Variants in ENPEP observed in about 807,000 individuals in gnomAD.
ENPEP encodes the protein AP-A.
In ENPEP, 103 loss-of-function variants were observed where a neutral mutation model predicts 114.5. That is an observed-to-expected ratio of 0.90 (90% confidence interval 0.77 to 1.06). The LOEUF (loss-of-function observed/expected upper bound fraction) is 1.06, where lower values mean the gene tolerates loss of function less well. ENPEP is among the 50% of genes least tolerant of loss of function. The pLI is 0.00. For synonymous variants in ENPEP, 420 were observed against 422.0 expected (o/e 1.00, Z 0.06); for missense variants, 1,196 against 1,161.3 (o/e 1.03, Z -0.43).
intron 12 of ENPEP, 62 bp from the exon 13 acceptor site, chr4:110,542,953 T>G (rs2110387211): frequency 6.2e-7 from 1 of 1,609,938 alleles, no homozygotes; most frequent in African/African-American, 1.3e-5. Context: ...ATGATATTAA[T>G]TTTTTTCAAC....
chr4:110,506,878 T>TCTTGG (rs1560557334), intron 4 of ENPEP, 121 bp downstream of exon 4: 24 of 930,360 alleles, frequency 2.6e-5, no homozygotes, highest in Non-Finnish European at 3.6e-5. Flanking sequence ...TTTTATTCTA[T>TCTTGG]GCCGACAATA....
chr4:110,519,129 C>T, intron 8 of ENPEP: 1 of 455,562 alleles, frequency 2.2e-6, no homozygotes, highest in Non-Finnish European at 4.4e-6. Context: ...AATATGGAGG[C>T]AGCATTCCAA....
chr4:110,530,688 TA>T (rs544231302), intron 10 of ENPEP, among the ~76,000 whole-genome samples: 174 of 152,274 alleles, frequency 1.1e-3, no homozygotes, highest in African/African-American at 3.9e-3. Flanking sequence ...AGGGGATATT[TA>T]GGGGAGGGTA....
At chr4:110,557,134 A>C (rs1015792113) in intron 18 of ENPEP, among the ~76,000 whole-genome samples, 1 of 152,126 alleles carries the variant, frequency 6.6e-6, no homozygotes, top group African/African-American at 2.4e-5. Flanking sequence ...TAAGTGATAG[A>C]GGGGTGGGAA....
rs183715198 is a variant in ENPEP at position 110,476,755 on chromosome 4, C to G, written c.341C>G (p.Thr114Ser). 8 of 1,614,206 alleles carry G rather than the reference C, an allele frequency of 5.0e-6. No individual in the cohort carries two copies. The East Asian group carries it at 1.8e-4, about 36-fold the overall frequency. Residue 114 changes from threonine (T) to serine (S), a missense_variant, in exon 1 of 20, where the codon ACC becomes AGC. Transcript: ENST00000265162. ...LHVKPLLEED[T>S]YTGTVSISIN... is the part of the protein sequence containing the mutation. Reference sequence around the variant, plus strand: ...GTGAAGCCCCTGTTGGAGGAGGACACCTACACGGGCACCGTGAGCATCTCC... The same window carrying G: ...GTGAAGCCCCTGTTGGAGGAGGACAGCTACACGGGCACCGTGAGCATCTCC...
chr4:110,548,947 T>A (rs1274030798), intron 14 of ENPEP, among the ~76,000 whole-genome samples: 3 of 152,074 alleles, frequency 2.0e-5, no homozygotes, highest in Non-Finnish European at 2.9e-5. Flanking sequence ...CTTACGGTAA[T>A]GGGATTGTGA....
At chr4:110,534,907 G>A (rs187059387) in intron 11 of ENPEP, among the ~76,000 whole-genome samples, 4 of 151,880 alleles carry the variant, frequency 2.6e-5, no homozygotes, top group East Asian at 1.9e-4. Flanking sequence ...AAGGTGCTAC[G>A]TACATTCTGA....
chr4:110,550,285 T>G (rs1217515737), intron 17 of ENPEP, among the ~76,000 whole-genome samples: 1 of 152,112 alleles, frequency 6.6e-6, no homozygotes, highest in Non-Finnish European at 1.5e-5. Context: ...CTGTCTCTTA[T>G]GCCAACAGGA....
At chr4:110,553,646 G>T in intron 18 of ENPEP, 191 bp downstream of exon 18, 1 of 436,354 alleles carries the variant, frequency 2.3e-6, no homozygotes, top group East Asian at 3.6e-5. Context: ...ATTTTTTTCT[G>T]GAAATTATTG....
intron 3 of ENPEP, among the ~76,000 whole-genome samples, chr4:110,499,253 A>G (rs181420388): frequency 3.3e-5 from 5 of 152,330 alleles, no homozygotes; most frequent in Non-Finnish European, 7.4e-5. Flanking sequence ...TAGAACTATT[A>G]CATGTCAAAC....
At chr4:110,531,128 G>A in intron 10 of ENPEP, 70 bp from the exon 11 acceptor site, 1 of 973,502 alleles carries the variant, frequency 1.0e-6, no homozygotes, top group Non-Finnish European at 1.4e-6. Flanking sequence ...TTGCTTTTTA[G>A]TGATTTTTAC....
chr4:110,543,623 C>G (rs908428576), intron 13 of ENPEP, among the ~76,000 whole-genome samples: 1 of 151,152 alleles, frequency 6.6e-6, no homozygotes, highest in African/African-American at 2.4e-5. Flanking sequence ...ATTGGAAGAA[C>G]TAAGTAGTAT....
chr4:110,476,864 C>A lies in ENPEP; in HGVS notation c.450C>A (p.Pro150=). ...RITRLPELKR[P]SGDQVQVRRC... ...CCCGGCTCCCGGAGCTGAAGAGGCC[C>A]TCTGGGGACCAGGTGCAAGTCCGGA... is the stretch of plus-strand genomic sequence containing the variant. Residue 150 remains proline (P), a synonymous_variant, in exon 1 of 20, where the codon CCC becomes CCA. Transcript: ENST00000265162. The A allele has an allele frequency of 6.2e-7, 1 of 1,614,138 alleles. No individual in the cohort carries two copies. Among genetic ancestry groups the A allele is most frequent in the Non-Finnish European group, 8.5e-7 (1 of 1,180,020 alleles).
chr4:110,478,068 C>T (rs1211357636), intron 1 of ENPEP, among the ~76,000 whole-genome samples: 1 of 152,162 alleles, frequency 6.6e-6, no homozygotes, highest in East Asian at 1.9e-4. Context: ...ATTAAGAAAG[C>T]TTCTTGTCAC....
intron 3 of ENPEP, among the ~76,000 whole-genome samples, chr4:110,506,004 C>T (rs1433924271): frequency 6.6e-6 from 1 of 152,144 alleles, no homozygotes; most frequent in Non-Finnish European, 1.5e-5. Flanking sequence ...ATTGATGTAG[C>T]TTACCAAGAT....
chr4:110,554,396 G>T (rs1159371404), intron 18 of ENPEP, among the ~76,000 whole-genome samples: 1 of 151,988 alleles, frequency 6.6e-6, no homozygotes, highest in Non-Finnish European at 1.5e-5. Context: ...TTTTCCTGCT[G>T]AGATTCAGAT....
chr4:110,519,553 T>C, intron 8 of ENPEP: 1 of 165,776 alleles, frequency 6.0e-6, no homozygotes, highest in South Asian at 1.5e-4. Context: ...TCTAAAAGAC[T>C]TGTACTTTAA....
Position 110,511,690 on chromosome 4 carries a change from C to T in ENPEP, c.1308+1332C>T, listed in dbSNP as rs559674353. On this transcript the variant is annotated intron_variant, in intron 6 of 19. Coordinates refer to ENST00000265162, the MANE Select transcript of ENPEP (RefSeq NM_001977.4). ...AAATTCCAGAAGAATTTGCTGTGCA[C>T]TTCTTAAGTGAAATTTAATCACATC... Among the ~76,000 whole-genome samples the T allele has an allele frequency of 5.9e-5, 9 of 152,122 alleles. No homozygotes were observed. The East Asian group carries it at 1.7e-3, about 29-fold the overall frequency.
chr4:110,549,913 A>C (rs756762059), intron 17 of ENPEP, 27 bp downstream of exon 17: 1 of 1,569,586 alleles, frequency 6.4e-7, no homozygotes, highest in Non-Finnish European at 8.7e-7. Flanking sequence ...TTTCACATAT[A>C]TAAATAGTAT....
Sources: allele counts gnomAD v4.1 joint callset (sites outside exome capture counted in the v4.1 genomes callset), GRCh38; gene constraint gnomAD v4.1.1; transcripts MANE v1.5; gene names NCBI Gene and HGNC (gene_info 2026-07-23, HGNC 2026-07-21).